The following PPP2R2B variants were observed in gnomAD, a reference collection of about 807,000 sequenced individuals.
The protein encoded by PPP2R2B is serine/threonine-protein phosphatase 2A 55 kDa regulatory subunit B beta isoform.
In PPP2R2B, 5 loss-of-function variants were observed where a neutral mutation model predicts 46.0. The observed-to-expected ratio is 0.11, with a 90% CI of 0.06 to 0.23. The LOEUF is 0.23. Among genes scored for constraint, PPP2R2B ranks in the 10% least tolerant of loss-of-function variants. The pLI, the probability that PPP2R2B is intolerant of heterozygous loss-of-function variation, is 1.00. For synonymous variants in PPP2R2B, 215 were observed against 206.7 expected, an observed-to-expected ratio of 1.04 and a Z score of -0.34; for missense variants, 367 against 575.0, an observed-to-expected ratio of 0.64 and a Z score of 3.70.
intron 2 of PPP2R2B, among the ~76,000 whole-genome samples, chr5:146,747,742 A>G (rs1414031470): frequency 6.6e-6 from 1 of 152,210 alleles, no homozygotes; most frequent in Non-Finnish European, 1.5e-5. Flanking sequence ...TTAAGAATGA[A>G]ATAAAATTAT....
At chr5:146,751,295 A>T (rs1292808377) in intron 2 of PPP2R2B, 1 of 152,256 alleles carries the variant, frequency 6.6e-6, no homozygotes, top group Non-Finnish European at 1.5e-5. Context: ...AGCGGGGAAG[A>T]GGTCATAGAG....
At chr5:146,617,635 A>G (rs577196132) in intron 7 of PPP2R2B, among the ~76,000 whole-genome samples, 2 of 152,126 alleles carry the variant, frequency 1.3e-5, no homozygotes, top group South Asian at 4.2e-4. Flanking sequence ...CGCTCCTTCA[A>G]CAAAGAGTGG....
At chr5:146,805,511 G>A (rs983624512) in intron 2 of PPP2R2B, among the ~76,000 whole-genome samples, 9 of 152,234 alleles carry the variant, frequency 5.9e-5, no homozygotes, top group African/African-American at 1.9e-4. Context: ...CAAGATATTT[G>A]AGCAGAAGAT....
At chr5:146,986,013 A>G (rs945437554) in intron 1 of PPP2R2B, among the ~76,000 whole-genome samples, 1 of 152,200 alleles carries the variant, frequency 6.6e-6, no homozygotes, top group South Asian at 2.1e-4. Flanking sequence ...CAAGAACATC[A>G]AATTGAATAA....
intron 1 of PPP2R2B, among the ~76,000 whole-genome samples, chr5:147,016,240 TAGG>T (rs986672905): frequency 7.3e-5 from 11 of 151,038 alleles, no homozygotes; most frequent in African/African-American, 2.4e-4. Context: ...ACTCAGGAGG[TAGG>T]AGAATTGTGT....
chr5:146,647,991 C>T (rs1402702771), intron 6 of PPP2R2B, among the ~76,000 whole-genome samples: 10 of 152,218 alleles, frequency 6.6e-5, no homozygotes, highest in Admixed American at 6.5e-4. Context: ...CTGATTAAAG[C>T]TGCCTTCCCT....
intron 1 of PPP2R2B, among the ~76,000 whole-genome samples, chr5:147,055,184 A>G (rs372486810): frequency 6.6e-6 from 1 of 152,318 alleles, no homozygotes; most frequent in South Asian, 2.1e-4. Context: ...ACAGACTCCA[A>G]GTGAACCAAT....
At chr5:147,066,411 C>T (rs749983171) in intron 2 of PPP2R2B, among the ~76,000 whole-genome samples, 80 of 152,262 alleles carry the variant, frequency 5.3e-4, no homozygotes, top group Non-Finnish European at 7.6e-4. Flanking sequence ...CCCTATGTTA[C>T]AGATGAAGAA....
At chr5:146,610,261 T>C (rs1169919810) in intron 7 of PPP2R2B, among the ~76,000 whole-genome samples, 9 of 14,974 alleles carry the variant, frequency 6.0e-4, no homozygotes, top group Non-Finnish European at 9.2e-4. Flanking sequence ...CGGCAGGGTA[T>C]TCCAACAGAC....
intron 5 of PPP2R2B, among the ~76,000 whole-genome samples, chr5:146,674,960 A>G (rs1399743594): frequency 6.6e-6 from 1 of 151,968 alleles, no homozygotes; most frequent in Non-Finnish European, 1.5e-5. Flanking sequence ...GTATTATATT[A>G]TTATTATTGT....
intron 1 of PPP2R2B, among the ~76,000 whole-genome samples, chr5:147,047,536 T>G (rs1756599828): frequency 6.6e-6 from 1 of 152,156 alleles, no homozygotes; most frequent in Non-Finnish European, 1.5e-5. Context: ...TAGCTAATTT[T>G]TATTAAGCTC....
In PPP2R2B at chr5:146,878,536, C is replaced by G; in HGVS notation, c.-125+55G>C. ...AGCGGGCAGCCGCGACAAAATGGTG[C>G]CTTTCTGGACCCGAGCTGCAGTGGC... On this transcript the variant is annotated intron_variant, in intron 1 of 9. Transcript: ENST00000394411. This position sits in a 1 kb window ranked among gnomAD's most constrained non-coding sequence, Gnocchi z 4.5. 1 of 1,266,202 alleles carries G rather than the reference C, an allele frequency of 7.9e-7. No individual in the cohort carries two copies. The highest frequency in any genetic ancestry group is 1.0e-6 in the Non-Finnish European group (1 of 988,904). The allele number at this position is 1,266,202 out of a possible 1,614,324, so 78.4% of individuals were successfully genotyped here.
At chr5:146,713,709 T>C (rs972771162) in intron 2 of PPP2R2B, among the ~76,000 whole-genome samples, 1 of 152,164 alleles carries the variant, frequency 6.6e-6, no homozygotes, top group African/African-American at 2.4e-5. Flanking sequence ...TGCTGATGGA[T>C]TGATTATAGG....
intron 7 of PPP2R2B, among the ~76,000 whole-genome samples, chr5:146,630,308 T>C (rs1255121854): frequency 6.6e-6 from 1 of 152,260 alleles, no homozygotes; most frequent in African/African-American, 2.4e-5. Context: ...CTGACCCTGC[T>C]AATTTTCTTA....
At chr5:146,900,775 C>G (rs994082528) in intron 1 of PPP2R2B, among the ~76,000 whole-genome samples, 2 of 151,718 alleles carry the variant, frequency 1.3e-5, no homozygotes, top group Admixed American at 6.6e-5. Flanking sequence ...TTTCCTAATG[C>G]CCCCCTCTCC....
chr5:147,032,935 C>T (rs1421422534), intron 1 of PPP2R2B, among the ~76,000 whole-genome samples: 2 of 152,098 alleles, frequency 1.3e-5, no homozygotes, highest in Non-Finnish European at 2.9e-5. Context: ...AATTTCCAAA[C>T]TCTCCTTATT....
chr5:146,979,998 T>C (rs191914680), intron 1 of PPP2R2B, among the ~76,000 whole-genome samples: 133 of 152,304 alleles, frequency 8.7e-4, no homozygotes, highest in African/African-American at 3.1e-3. Flanking sequence ...TATTTTTTAA[T>C]ATGGCTTGGT....
intron 6 of PPP2R2B, among the ~76,000 whole-genome samples, chr5:146,646,788 A>T (rs386395): frequency 0.011 from 1,609 of 152,212 alleles, 23 homozygotes; most frequent in African/African-American, 0.037. Context: ...AATTATCATG[A>T]TTGTGCTAGT....
chr5:146,718,242 G>A lies in PPP2R2B; in HGVS notation c.71-17100C>T, dbSNP rs1023332024. Among the ~76,000 whole-genome samples, 7 of 151,916 alleles carry A rather than the reference G, an allele frequency of 4.6e-5. No homozygotes were observed. The East Asian group carries it at 1.2e-3, about 25-fold the overall frequency. On this transcript the variant is annotated intron_variant, in intron 2 of 9. Transcript: ENST00000394411. ...ATCTCTACAAAAAATACAAAGATTA[G>A]CCTGGCATGGTGGCACACGCCTATA...
Sources: allele counts gnomAD v4.1 joint callset (sites outside exome capture counted in the v4.1 genomes callset), GRCh38; gene constraint gnomAD v4.1.1; non-coding constraint Gnocchi (gnomAD v3.1); transcripts MANE v1.5; gene names NCBI Gene and HGNC (gene_info 2026-07-23, HGNC 2026-07-21).